Variants in RUNX2 observed in about 807,000 individuals in gnomAD.
The protein encoded by RUNX2 is runt-related transcription factor 2.
A neutral mutation model predicts 51.7 loss-of-function variants in RUNX2; 10 were observed. The ratio of observed to expected loss-of-function variants is 0.19; its 90% CI spans 0.12 to 0.33. The LOEUF is 0.33. Among genes scored for constraint, RUNX2 ranks in the 10% least tolerant of loss-of-function variants. The probability of loss-of-function intolerance (pLI) is 1.00; values close to 1 mark genes in which losing one functional copy is unlikely to be tolerated. For missense variants in RUNX2, 562 were observed against 691.3 expected (o/e 0.81, Z 2.10); for synonymous variants, 276 against 273.6 (o/e 1.01, Z -0.09).
intron 2 of RUNX2, among the ~76,000 whole-genome samples, chr6:45,379,739 G>A (rs1054998803): frequency 2.0e-5 from 3 of 152,104 alleles, no homozygotes; most frequent in South Asian, 4.1e-4. Context: ...GGTGGCACGT[G>A]CCTGTAGTCC....
At chr6:45,420,217 A>G (rs574557814) in intron 2 of RUNX2, among the ~76,000 whole-genome samples, 1 of 152,152 alleles carries the variant, frequency 6.6e-6, no homozygotes, top group South Asian at 2.1e-4. Context: ...GAGTCACGCA[A>G]CCACAGCCCC....
intron 7 of RUNX2, among the ~76,000 whole-genome samples, chr6:45,531,676 C>A (rs1385286298): frequency 4.6e-5 from 7 of 152,032 alleles, no homozygotes; most frequent in Non-Finnish European, 8.8e-5. Flanking sequence ...TCGCTTGAAC[C>A]CAGGAGACAG....
chr6:45,445,838 G>A (rs1354994393), intron 5 of RUNX2, among the ~76,000 whole-genome samples: 1 of 151,994 alleles, frequency 6.6e-6, no homozygotes, highest in Non-Finnish European at 1.5e-5. Flanking sequence ...GCGGGGGGAT[G>A]GGTCAGAAGC....
At chr6:45,373,711 C>T (rs1024507583) in intron 2 of RUNX2, among the ~76,000 whole-genome samples, 2 of 152,026 alleles carry the variant, frequency 1.3e-5, no homozygotes, top group African/African-American at 2.4e-5. Context: ...CCACCATGCC[C>T]GGCTAATTTT....
intron 5 of RUNX2, among the ~76,000 whole-genome samples, chr6:45,462,691 C>A (rs1582137467): frequency 6.6e-6 from 1 of 152,228 alleles, no homozygotes; most frequent in Non-Finnish European, 1.5e-5. Context: ...TTTTAAAGCA[C>A]ATGTTCAGTG....
At chr6:45,495,684 C>T (rs1474717854) in intron 6 of RUNX2, among the ~76,000 whole-genome samples, 2 of 152,146 alleles carry the variant, frequency 1.3e-5, no homozygotes, top group Non-Finnish European at 2.9e-5. Context: ...TATATAGTCC[C>T]CTCTAGTTCT....
chr6:45,409,718 G>C (rs1418371032), intron 2 of RUNX2, among the ~76,000 whole-genome samples: 1 of 152,118 alleles, frequency 6.6e-6, no homozygotes, highest in East Asian at 1.9e-4. Flanking sequence ...ATTTTAAAAG[G>C]ATAGAAAATT....
chr6:45,450,711 T>G (rs1490938523), intron 5 of RUNX2, among the ~76,000 whole-genome samples: 1 of 151,682 alleles, frequency 6.6e-6, no homozygotes, highest in African/African-American at 2.4e-5. Context: ...TGAGGAAGAG[T>G]TGGGGGAAGA....
intron 6 of RUNX2, among the ~76,000 whole-genome samples, chr6:45,510,720 ACCCTAT>A (rs757213258): frequency 6.6e-6 from 1 of 151,696 alleles, no homozygotes; most frequent in Non-Finnish European, 1.5e-5. Context: ...CATGGAACTT[ACCCTAT>A]GTCACCCAGA....
intron 2 of RUNX2, among the ~76,000 whole-genome samples, chr6:45,402,694 C>T (rs1797739195): frequency 1.3e-5 from 2 of 152,070 alleles, no homozygotes; most frequent in African/African-American, 2.4e-5. Flanking sequence ...TAGAGAGCCT[C>T]TGTTTCTACA....
intron 7 of RUNX2, among the ~76,000 whole-genome samples, chr6:45,525,797 C>A (rs1214944852): frequency 6.6e-6 from 1 of 152,040 alleles, no homozygotes. Context: ...CAGTTGGAGA[C>A]CAGCCTCAGC....
At chr6:45,448,396 A>T (rs1209354887) in intron 5 of RUNX2, among the ~76,000 whole-genome samples, 1 of 152,210 alleles carries the variant, frequency 6.6e-6, no homozygotes, top group African/African-American at 2.4e-5. Context: ...CAGGACTCAG[A>T]ACCACAAGAG....
chr6:45,522,898 T>G (rs1398199650), intron 7 of RUNX2, among the ~76,000 whole-genome samples: 1 of 152,232 alleles, frequency 6.6e-6, no homozygotes, highest in Non-Finnish European at 1.5e-5. Context: ...AATTTCTGTT[T>G]ACCTTTATTT....
chr6:45,493,730 CTGTGTG>C (rs34362546), intron 6 of RUNX2, among the ~76,000 whole-genome samples: 42 of 147,068 alleles, frequency 2.9e-4, no homozygotes, highest in South Asian at 6.5e-4. Flanking sequence ...AATCCTTAGA[CTGTGTG>C]TGTGTGTGTG....
At chr6:45,443,617 G>A (rs992876532) in intron 5 of RUNX2, among the ~76,000 whole-genome samples, 2 of 152,136 alleles carry the variant, frequency 1.3e-5, no homozygotes, top group Non-Finnish European at 2.9e-5. Context: ...CAATCTAGGG[G>A]ACATTCAAAG....
intron 7 of RUNX2, among the ~76,000 whole-genome samples, chr6:45,516,587 T>C (rs1261672794): frequency 6.6e-6 from 1 of 152,240 alleles, no homozygotes; most frequent in East Asian, 1.9e-4. Flanking sequence ...ATTATCTCAC[T>C]TCATCCTACA....
At chr6:45,421,359 C>T (rs1458555306) in intron 2 of RUNX2, 2 of 152,180 alleles carry the variant, frequency 1.3e-5, no homozygotes, top group African/African-American at 4.8e-5. Context: ...CAGCTATGCA[C>T]TTGAGTTCCT....
At chr6:45,446,229 T>C (rs568940642) in intron 5 of RUNX2, among the ~76,000 whole-genome samples, 20 of 152,366 alleles carry the variant, frequency 1.3e-4, no homozygotes, top group South Asian at 1.0e-3. Flanking sequence ...TTTCATTGTA[T>C]TGGACTTGTG....
intron 7 of RUNX2, among the ~76,000 whole-genome samples, chr6:45,539,211 GT>G (rs36060587): frequency 2.0e-5 from 3 of 150,822 alleles, no homozygotes; most frequent in East Asian, 1.9e-4. Context: ...AAATTGCCAG[GT>G]TTTTTTTTCT....
Sources: allele counts gnomAD v4.1 joint callset (sites outside exome capture counted in the v4.1 genomes callset), GRCh38; gene constraint gnomAD v4.1.1; transcripts MANE v1.5; gene names NCBI Gene and HGNC (gene_info 2026-07-23, HGNC 2026-07-21).